The following PITPNB variants were observed in gnomAD, a reference collection of about 807,000 sequenced individuals.
The protein encoded by PITPNB is phosphatidylinositol transfer protein beta, also known as phosphatidylinositol transfer protein beta isoform.
PITPNB carries 16 observed loss-of-function variants against 45.9 expected under a neutral mutation model. That is an observed-to-expected ratio of 0.35 (90% CI 0.24 to 0.53). The LOEUF (loss-of-function observed/expected upper bound fraction) is 0.53. Among genes scored for constraint, PITPNB ranks in the 20% least tolerant of loss-of-function variants. The pLI, the probability that PITPNB is intolerant of heterozygous loss-of-function variation, is 0.93. For synonymous variants in PITPNB, 112 were observed against 108.9 expected, an observed-to-expected ratio of 1.03 and a Z score of -0.18; for missense variants, 188 against 330.5, an observed-to-expected ratio of 0.57 and a Z score of 3.34.
chr22:27,878,183 G>A (rs1193713086), intron 7 of PITPNB, among the ~76,000 whole-genome samples: 1 of 152,174 alleles, frequency 6.6e-6, no homozygotes, highest in East Asian at 1.9e-4. Context: ...ATAAAGCCCA[G>A]GATGGGGAAT....
In PITPNB at chr22:27,877,786, T is replaced by C. The variant is rs1477296150; in HGVS notation, c.457-3971A>G. Among the ~76,000 whole-genome samples, 6 of 152,304 alleles carry C rather than the reference T, an allele frequency of 3.9e-5. No individual in the cohort carries two copies. In the East Asian group the frequency reaches 7.7e-4, roughly 20 times the overall value. On this transcript the variant is annotated intron_variant, in intron 7 of 11. Transcript: ENST00000335272. ...GGTGGGGGGCAGGCTGGTAGGAGTT[T>C]CTTGACAGCTTGTGGAAAAATTGAG...
chr22:27,892,310 G>A (rs1935302482), intron 7 of PITPNB, among the ~76,000 whole-genome samples: 1 of 152,146 alleles, frequency 6.6e-6, no homozygotes, highest in African/African-American at 2.4e-5. Flanking sequence ...ATTCATGCCT[G>A]TAAACACTGC....
At chr22:27,881,329 C>A (rs1934965935) in intron 7 of PITPNB, among the ~76,000 whole-genome samples, 1 of 152,184 alleles carries the variant, frequency 6.6e-6, no homozygotes, top group Non-Finnish European at 1.5e-5. Flanking sequence ...TTCAGGAAAG[C>A]TACTATCACA....
chr22:27,890,848 T>C (rs1281145342), intron 7 of PITPNB, among the ~76,000 whole-genome samples: 1 of 152,030 alleles, frequency 6.6e-6, no homozygotes, highest in African/African-American at 2.4e-5. Flanking sequence ...GATGAATGCA[T>C]GAACAAAATG....
At chr22:27,871,582 C>T (rs1296558767) in intron 8 of PITPNB, among the ~76,000 whole-genome samples, 1 of 152,142 alleles carries the variant, frequency 6.6e-6, no homozygotes, top group Non-Finnish European at 1.5e-5. Context: ...CAAAGGGCTT[C>T]TCCTCCAACT....
At chr22:27,863,667 T>G (rs1225426675) in intron 8 of PITPNB, among the ~76,000 whole-genome samples, 12 of 152,226 alleles carry the variant, frequency 7.9e-5, no homozygotes, top group Non-Finnish European at 1.5e-5. Flanking sequence ...CCTAGAACAC[T>G]GATGCTTCAG....
At position 27,896,560 on chromosome 22, in the gene PITPNB, A is replaced by G; in HGVS notation, c.364T>C (p.Leu122=). Residue 122 remains leucine, a synonymous_variant, in exon 6 of 12, where the codon TTA becomes CTA. Coordinates refer to ENST00000335272, the MANE Select transcript of PITPNB (RefSeq NM_012399.5). ...GCAGAGTTGAAACTTACATTTTCTA[A>G]TGTTCCCAAGTCTGGTTTGTGCCAT... ...ETWHKPDLGT[L]ENVHGLDPNT... 6.2e-7 allele frequency: 1 copy of G among 1,606,628 alleles called. No homozygotes were observed. The highest frequency in any genetic ancestry group is 1.1e-5 in the South Asian group (1 of 90,956).
chr22:27,888,682 G>C (rs1014032164), intron 7 of PITPNB, among the ~76,000 whole-genome samples: 4 of 152,218 alleles, frequency 2.6e-5, no homozygotes, highest in African/African-American at 7.2e-5. Flanking sequence ...ATTCAGCAGA[G>C]AGGAAGACTG....
chr22:27,863,270 T>C (rs1179879186), intron 8 of PITPNB, among the ~76,000 whole-genome samples: 6 of 152,152 alleles, frequency 3.9e-5, no homozygotes, highest in African/African-American at 1.4e-4. Flanking sequence ...ACAGGAAAAC[T>C]AGACTCTATC....
At chr22:27,904,182 CA>C (rs1489709638) in intron 3 of PITPNB, among the ~76,000 whole-genome samples, 1 of 152,142 alleles carries the variant, frequency 6.6e-6, no homozygotes, top group Non-Finnish European at 1.5e-5. Flanking sequence ...AAAGTATGCA[CA>C]AATGTTAACA....
chr22:27,889,443 A>T (rs1935211979), intron 7 of PITPNB, among the ~76,000 whole-genome samples: 1 of 152,144 alleles, frequency 6.6e-6, no homozygotes, highest in Non-Finnish European at 1.5e-5. Flanking sequence ...TTTAATTTCT[A>T]CTTGGAAGGG....
At chr22:27,915,907 A>G (rs79348107) in intron 1 of PITPNB, among the ~76,000 whole-genome samples, 30 of 152,290 alleles carry the variant, frequency 2.0e-4, no homozygotes, top group South Asian at 4.1e-4. Flanking sequence ...CCAAGAGGTA[A>G]GTGACAACTA....
chr22:27,898,930 A>G (rs1935514958), intron 3 of PITPNB, among the ~76,000 whole-genome samples: 1 of 152,236 alleles, frequency 6.6e-6, no homozygotes, highest in South Asian at 2.1e-4. Context: ...ACAGTCTTCA[A>G]ATAAATGCAA....
intron 7 of PITPNB, among the ~76,000 whole-genome samples, chr22:27,893,447 C>T (rs369347959): frequency 5.7e-4 from 86 of 151,566 alleles, no homozygotes; most frequent in African/African-American, 2.1e-3. Context: ...ACCATACCGG[C>T]TAATTTTTTG....
At chr22:27,888,192 A>G (rs1409770501) in intron 7 of PITPNB, among the ~76,000 whole-genome samples, 2 of 152,242 alleles carry the variant, frequency 1.3e-5, no homozygotes, top group African/African-American at 4.8e-5. Context: ...CAGTACAAAT[A>G]GAGCTCACTC....
intron 7 of PITPNB, among the ~76,000 whole-genome samples, chr22:27,875,179 A>C (rs1934784856): frequency 6.6e-6 from 1 of 152,280 alleles, no homozygotes; most frequent in South Asian, 2.1e-4. Context: ...TGTGACCCAG[A>C]ACTTGAAGCC....
chr22:27,894,044 A>C (rs1460448444), intron 7 of PITPNB: 1 of 152,290 alleles, frequency 6.6e-6, no homozygotes, highest in African/African-American at 2.4e-5. Context: ...TTCAAAATAG[A>C]AAGCTAAACA....
intron 8 of PITPNB, among the ~76,000 whole-genome samples, chr22:27,865,324 TTC>T (rs1934453658): frequency 6.6e-6 from 1 of 152,232 alleles, no homozygotes. Context: ...GGCTTTTGGC[TTC>T]TTTTTTCTGA....
chr22:27,899,221 A>C (rs1265886778), intron 3 of PITPNB, among the ~76,000 whole-genome samples: 1 of 152,254 alleles, frequency 6.6e-6, no homozygotes, highest in Non-Finnish European at 1.5e-5. Context: ...TTTTAATTAT[A>C]AGTTGATACG....
Sources: allele counts gnomAD v4.1 joint callset (sites outside exome capture counted in the v4.1 genomes callset), GRCh38; gene constraint gnomAD v4.1.1; transcripts MANE v1.5; gene names NCBI Gene and HGNC (gene_info 2026-07-23, HGNC 2026-07-21).